Variants in SYT1 observed in about 807,000 individuals in gnomAD.
The protein encoded by SYT1 is synaptotagmin-1.
Under a neutral mutation model 44.8 loss-of-function variants are expected in SYT1, and 8 were observed. The ratio of observed to expected loss-of-function variants is 0.18; its 90% CI spans 0.10 to 0.32. The LOEUF is 0.32. SYT1 is among the 10% of genes least tolerant of loss of function. The pLI, the probability that SYT1 is intolerant of heterozygous loss-of-function variation, is 1.00. For missense variants in SYT1, 286 were observed against 509.3 expected, an observed-to-expected ratio of 0.56 and a Z score of 4.22; for synonymous variants, 154 against 188.8, an observed-to-expected ratio of 0.82 and a Z score of 1.51.
At chr12:79,333,898 T>A (rs911312756) in intron 8 of SYT1, among the ~76,000 whole-genome samples, 1 of 152,198 alleles carries the variant, frequency 6.6e-6, no homozygotes, top group Non-Finnish European at 1.5e-5. Flanking sequence ...TTTTCTCAAA[T>A]TGTGATTGTT....
At position 79,425,652 on chromosome 12, in the gene SYT1, C is replaced by T. The variant is rs368135394; in HGVS notation, c.929-18421C>T. On this transcript the variant is annotated intron_variant, in intron 9 of 10. Coordinates refer to ENST00000261205, the MANE Select transcript of SYT1 (RefSeq NM_005639.3). Reference sequence around the variant, plus strand: ...AAAAATTTTCTTCAACTAAATATAACTCCTTCTCTTTCAATATTTTTTAGA... The same window carrying T: ...AAAAATTTTCTTCAACTAAATATAATTCCTTCTCTTTCAATATTTTTTAGA... Among the ~76,000 whole-genome samples the T allele has an allele frequency of 3.9e-5, 6 of 152,228 alleles. No homozygotes were observed. The South Asian group carries it at 6.2e-4, about 16-fold the overall frequency.
In SYT1 at chr12:79,450,401, TAAAA is replaced by T. The variant is rs35581563; in HGVS notation, c.*1281_*1284del. The T allele has an allele frequency of 6.6e-6, 1 of 152,536 alleles. No individual in the cohort carries two copies. Among genetic ancestry groups the T allele is most frequent in the Admixed American group, 6.6e-5 (1 of 15,264 alleles). The allele number at this position is 152,536 out of a possible 1,614,324, so 9.4% of individuals were successfully genotyped here. ...TTTACTTAAGTTTTAATTTGTCCTT[TAAAA>T]AAAGGTGAAACAAACCAAGAACAAG... On this transcript the variant is annotated 3_prime_UTR_variant, in exon 11 of 11. Transcript: ENST00000261205.
chr12:79,182,912 C>T (rs73150227), intron 3 of SYT1, among the ~76,000 whole-genome samples: 39 of 152,154 alleles, frequency 2.6e-4, no homozygotes, highest in Admixed American at 7.2e-4. Context: ...ATATTGTGTA[C>T]AGATAATAAT....
chr12:79,360,409 G>A (rs910783729), intron 9 of SYT1, among the ~76,000 whole-genome samples: 1 of 152,128 alleles, frequency 6.6e-6, no homozygotes, highest in East Asian at 1.9e-4. Flanking sequence ...ACATTCTGAA[G>A]TTGTTTCCTA....
At chr12:78,934,251 A>G (rs983453699) in intron 1 of SYT1, among the ~76,000 whole-genome samples, 2 of 151,886 alleles carry the variant, frequency 1.3e-5, no homozygotes, top group Non-Finnish European at 2.9e-5. Flanking sequence ...AATAACCGTC[A>G]TGTGTCAAGG....
intron 1 of SYT1, among the ~76,000 whole-genome samples, chr12:78,901,882 C>T (rs866386783): frequency 1.3e-5 from 2 of 152,004 alleles, no homozygotes; most frequent in Admixed American, 1.3e-4. Context: ...AATCTACATT[C>T]CTAAAAATAC....
intron 3 of SYT1, among the ~76,000 whole-genome samples, chr12:79,116,314 T>C (rs1317626323): frequency 6.6e-6 from 1 of 152,072 alleles, no homozygotes; most frequent in Non-Finnish European, 1.5e-5. Flanking sequence ...ACGAAGACAT[T>C]TAGGATTGGT....
chr12:78,931,238 A>AG lies in SYT1; in HGVS notation c.-216-46560dup, dbSNP rs1187572734. 9.8e-3 allele frequency among the ~76,000 whole-genome samples: 405 copies of AG among 41,130 alleles called. 19 individuals carry two copies. The highest frequency in any genetic ancestry group is 0.016 in the Admixed American group (52 of 3,328). The allele number at this position is 41,130 out of a possible 152,430, so 27.0% of individuals were successfully genotyped here. The stretch of plus-strand genomic sequence containing the variant: ...AAGAAAGAAAGAAAGAAAGAAAGAA[A>AG]GAAGGAAGGAAGGAAGGAAGGAAGG... On this transcript the variant is annotated intron_variant, in intron 1 of 10. Transcript: ENST00000261205.
Position 79,451,407 on chromosome 12 carries a change from A to G in SYT1, c.*2283A>G, listed in dbSNP as rs1378426097. On this transcript the variant is annotated 3_prime_UTR_variant, in exon 11 of 11. Transcript: ENST00000261205. Reference sequence around the variant, plus strand: ...AAGAGAGGGAGTTGACTGGCTTTTAAAAAGTATTTAAATACCACAAATGAC... The same window carrying G: ...AAGAGAGGGAGTTGACTGGCTTTTAGAAAGTATTTAAATACCACAAATGAC... The G allele has an allele frequency of 2.0e-5, 3 of 152,278 alleles. No individual in the cohort carries two copies. The highest frequency in any genetic ancestry group is 4.4e-5 in the Non-Finnish European group (3 of 68,050). The allele number at this position is 152,278 out of a possible 1,614,324, so 9.4% of individuals were successfully genotyped here.
At chr12:79,423,214 A>G (rs1869226983) in intron 9 of SYT1, among the ~76,000 whole-genome samples, 1 of 152,126 alleles carries the variant, frequency 6.6e-6, no homozygotes, top group Non-Finnish European at 1.5e-5. Flanking sequence ...ACGTGCATGC[A>G]TGCTTTGTTT....
At chr12:79,432,913 T>C (rs1869882927) in intron 9 of SYT1, among the ~76,000 whole-genome samples, 1 of 152,076 alleles carries the variant, frequency 6.6e-6, no homozygotes, top group Non-Finnish European at 1.5e-5. Flanking sequence ...TGCCCAGCCC[T>C]ATTTTCTTTT....
At chr12:78,996,182 T>A (rs546318778) in intron 2 of SYT1, among the ~76,000 whole-genome samples, 37 of 152,344 alleles carry the variant, frequency 2.4e-4, no homozygotes, top group Middle Eastern at 3.4e-3. Flanking sequence ...TGCTGAACTT[T>A]ATGCTTCGCT....
intron 3 of SYT1, among the ~76,000 whole-genome samples, chr12:79,156,112 C>T (rs556063413): frequency 6.6e-6 from 1 of 152,156 alleles, no homozygotes; most frequent in African/African-American, 2.4e-5. Flanking sequence ...TAAGAACAAC[C>T]TTGGACAAGA....
intron 3 of SYT1, among the ~76,000 whole-genome samples, chr12:79,178,763 G>A (rs535456880): frequency 6.7e-6 from 1 of 150,330 alleles, no homozygotes; most frequent in Non-Finnish European, 1.5e-5. Context: ...ACAGTAATTT[G>A]TTTATTTATT....
chr12:78,907,642 A>C (rs937825002), intron 1 of SYT1, among the ~76,000 whole-genome samples: 2 of 152,004 alleles, frequency 1.3e-5, no homozygotes, highest in African/African-American at 4.8e-5. Context: ...TACTGATGAA[A>C]GTATCCGAAG....
intron 1 of SYT1, among the ~76,000 whole-genome samples, chr12:78,962,855 A>C (rs1016771066): frequency 1.3e-5 from 2 of 152,178 alleles, no homozygotes; most frequent in African/African-American, 2.4e-5. Context: ...AACAATTTTT[A>C]ATGACTTCCT....
Position 79,088,405 on chromosome 12 carries a change from T to G in SYT1, c.-18+41043T>G, listed in dbSNP as rs202110007. ...AAACGATACTAGTAATAATAATTAG[T>G]AGAGACATGCCACGCACTGTTTTAG... On this transcript the variant is annotated intron_variant, in intron 3 of 10. Coordinates refer to ENST00000261205, the MANE Select transcript of SYT1 (RefSeq NM_005639.3). 1.8e-4 allele frequency among the ~76,000 whole-genome samples: 27 copies of G among 152,128 alleles called. No individual in the cohort carries two copies. In the East Asian group the frequency reaches 4.1e-3, roughly 23 times the overall value.
At chr12:79,044,674 A>G (rs2137749201) in intron 2 of SYT1, among the ~76,000 whole-genome samples, 1 of 150,296 alleles carries the variant, frequency 6.7e-6, no homozygotes, top group Admixed American at 6.6e-5. Flanking sequence ...CTGGTGAGGA[A>G]CTGCGTTCCT....
intron 4 of SYT1, among the ~76,000 whole-genome samples, chr12:79,249,929 T>G (rs575556157): frequency 1.3e-5 from 2 of 152,210 alleles, no homozygotes; most frequent in South Asian, 4.2e-4. Context: ...CTAGAACTCC[T>G]TAAAGTCCCC....
Sources: allele counts gnomAD v4.1 joint callset (sites outside exome capture counted in the v4.1 genomes callset), GRCh38; gene constraint gnomAD v4.1.1; transcripts MANE v1.5; gene names NCBI Gene and HGNC (gene_info 2026-07-23, HGNC 2026-07-21).